The following GOLGA8A variants were observed in gnomAD, a reference collection of about 807,000 sequenced individuals.
GOLGA8A encodes the protein golgin A8 family member A.
A neutral mutation model predicts 22.1 loss-of-function variants in GOLGA8A; 3 were observed. That is an observed-to-expected ratio of 0.14 (90% confidence interval 0.06 to 0.35). GOLGA8A has a LOEUF of 0.35. Among genes scored for constraint, GOLGA8A ranks in the 10% least tolerant of loss-of-function variants. The pLI is 1.00. For synonymous variants in GOLGA8A, 7 were observed against 91.7 expected, an observed-to-expected ratio of 0.08 and a Z score of 5.28; for missense variants, 16 against 233.2, an observed-to-expected ratio of 0.07 and a Z score of 6.07.
Position 34,435,049 on chromosome 15 carries a change from A to G in GOLGA8A, c.-1123+334T>C, listed in dbSNP as rs192363972. 1.9e-3 allele frequency among the ~76,000 whole-genome samples: 288 copies of G among 149,638 alleles called. 27 individuals are homozygous for G. Among genetic ancestry groups the G allele is most frequent in the African/African-American group, 6.7e-3 (274 of 40,610 alleles). On this transcript the variant is annotated intron_variant, in intron 2 of 24. Coordinates refer to ENST00000359187, the MANE Select transcript of GOLGA8A (RefSeq NM_181077.5). Reference sequence around the variant, plus strand: ...CCAGTCCTCTCCTCCCCTGGACAGTAAAGGTTTCTCCAAGACTTCAGACGA... The same window carrying G: ...CCAGTCCTCTCCTCCCCTGGACAGTGAAGGTTTCTCCAAGACTTCAGACGA...
intron 1 of GOLGA8A, among the ~76,000 whole-genome samples, chr15:34,436,838 G>A (rs1219542818): frequency 6.7e-6 from 1 of 149,980 alleles, no homozygotes; most frequent in Admixed American, 6.7e-5. Context: ...CTGCAGCCCA[G>A]GGGCAACAAG....
intron 2 of GOLGA8A, among the ~76,000 whole-genome samples, chr15:34,430,822 ACT>A (rs1476618053): frequency 6.7e-6 from 1 of 149,342 alleles, no homozygotes; most frequent in African/African-American, 2.5e-5. Context: ...GTCAAGACAA[ACT>A]CTGAGCAGTG....
intron 2 of GOLGA8A, among the ~76,000 whole-genome samples, chr15:34,422,663 C>T (rs1169059225): frequency 2.4e-5 from 2 of 83,952 alleles, no homozygotes; most frequent in African/African-American, 6.2e-5. Flanking sequence ...GGAATCTCCC[C>T]TCTGCCATGC....
rs188828054 is a variant in GOLGA8A, at chr15:34,429,832, T to C, written c.-1123+5551A>G. 2.4e-4 allele frequency among the ~76,000 whole-genome samples: 36 copies of C among 148,204 alleles called. 3 individuals carry two copies. In the East Asian group the frequency reaches 6.4e-3, roughly 26 times the overall value. ...GCAGAGTCCTTGAGTGTCAAAGGAC[T>C]GAGAGGTGAATGACGGGCAAGGTGA... is the stretch of plus-strand genomic sequence containing the variant. On this transcript the variant is annotated intron_variant, in intron 2 of 24. Coordinates refer to ENST00000359187, the MANE Select transcript of GOLGA8A (RefSeq NM_181077.5).
rs1013745517 is a variant in GOLGA8A at position 34,435,765 on chromosome 15, C to T, written c.-1211-294G>A. ...AGAGGGAAGACTTCGTGCCCCATTG[C>T]TACTGCCATCACCCAGTCCCAGCCC... On this transcript the variant is annotated intron_variant, in intron 1 of 24. Transcript: ENST00000359187. Among the ~76,000 whole-genome samples, 11 of 149,080 alleles carry T rather than the reference C, an allele frequency of 7.4e-5. 1 individual carries two copies. The highest frequency in any genetic ancestry group is 2.7e-4 in the African/African-American group (11 of 40,376).
chr15:34,424,547 C>A (rs1892907081), intron 2 of GOLGA8A, among the ~76,000 whole-genome samples: 1 of 144,832 alleles, frequency 6.9e-6, no homozygotes, highest in Non-Finnish European at 1.5e-5. Flanking sequence ...CAGCCATGAT[C>A]AGCTAGAAAA....
intron 18 of GOLGA8A, 22 bp downstream of exon 18, chr15:34,383,709 GGGGGGTGGGGCGGGA>G: frequency 7.5e-6 from 1 of 133,574 alleles, no homozygotes; most frequent in Non-Finnish European, 1.3e-5. Flanking sequence ...GTTGGTGGGG[GGGGGGTGGGGCGGGA>G]GGCTGAAGGG....
At chr15:34,428,078 C>G (rs1384616099) in intron 2 of GOLGA8A, among the ~76,000 whole-genome samples, 1 of 147,526 alleles carries the variant, frequency 6.8e-6, no homozygotes, top group Non-Finnish European at 1.5e-5. Flanking sequence ...GGAGCTTTCT[C>G]TCCTTCAAAT....
chr15:34,417,428 TGTTCA>T lies in GOLGA8A; in HGVS notation c.-1122-9698_-1122-9694del, dbSNP rs1167561927. On this transcript the variant is annotated intron_variant, in intron 2 of 24. Transcript: ENST00000359187. ...AAAAAGAGCAGATGGGAGAAATACG[TGTTCA>T]GTGTTCAGTTTTCCTTCTGTAAGAC... 7.9e-4 allele frequency: 66 copies of T among 83,462 alleles called. 1 individual carries two copies. Among genetic ancestry groups the T allele is most frequent in the Non-Finnish European group, 1.4e-3 (56 of 40,634 alleles). 5.2% of individuals were successfully genotyped at this position (83,462 alleles called of 1,614,324 possible).
intron 1 of GOLGA8A, among the ~76,000 whole-genome samples, chr15:34,436,965 T>G (rs894553223): frequency 6.7e-6 from 1 of 149,394 alleles, no homozygotes; most frequent in Non-Finnish European, 1.5e-5. Context: ...CCAAACTCAG[T>G]AGTTGCCGCC....
At chr15:34,435,052 G>C (rs1442419594) in intron 2 of GOLGA8A, among the ~76,000 whole-genome samples, 1 of 149,596 alleles carries the variant, frequency 6.7e-6, no homozygotes, top group Non-Finnish European at 1.5e-5. Context: ...GGACAGTAAA[G>C]GTTTCTCCAA....
At chr15:34,428,493 C>T (rs2140284485) in intron 2 of GOLGA8A, 1 of 149,226 alleles carries the variant, frequency 6.7e-6, no homozygotes, top group Middle Eastern at 3.4e-3. Flanking sequence ...CAGCGCAGTC[C>T]CAGCAGACAG....
intron 2 of GOLGA8A, among the ~76,000 whole-genome samples, chr15:34,429,215 C>T (rs1373919624): frequency 0.019 from 2,718 of 142,126 alleles, 92 homozygotes; most frequent in African/African-American, 0.066. Context: ...AAGCCAGCTG[C>T]AGAAATCACT....
intron 2 of GOLGA8A, among the ~76,000 whole-genome samples, chr15:34,434,072 C>A (rs1392297065): frequency 6.7e-6 from 1 of 149,082 alleles, no homozygotes; most frequent in Non-Finnish European, 1.5e-5. Flanking sequence ...CAGTTAGGAT[C>A]TCCGGGATGG....
Position 34,428,830 on chromosome 15 carries a change from C to T in GOLGA8A, c.-1123+6553G>A, listed in dbSNP as rs1488331481. 8.3e-5 allele frequency: 12 copies of T among 144,280 alleles called. 2 individuals carry two copies. Among genetic ancestry groups the T allele is most frequent in the Non-Finnish European group, 1.7e-4 (11 of 66,026 alleles). The allele number at this position is 144,280 out of a possible 1,614,324, so 8.9% of individuals were successfully genotyped here. A position where few individuals can be genotyped will look rare whatever the true frequency, so the allele number is the denominator to read the frequency against. ...GCCTCTGCAGCCCATCACCCTGCAG[C>T]GCTGCTGTTCCCGCTGCTTCTTGGA... On this transcript the variant is annotated intron_variant, in intron 2 of 24. Coordinates refer to ENST00000359187, the MANE Select transcript of GOLGA8A (RefSeq NM_181077.5).
chr15:34,418,129 TTAAAAA>T (rs1026462083), intron 2 of GOLGA8A: 1 of 21,320 alleles, frequency 4.7e-5, no homozygotes, highest in African/African-American at 7.2e-5. Context: ...TGTAGATTCT[TTAAAAA>T]AAAAAAAAAA....
intron 2 of GOLGA8A, among the ~76,000 whole-genome samples, chr15:34,431,841 C>A (rs349632): frequency 0.79 from 116,702 of 147,644 alleles, 48,806 homozygotes; most frequent in East Asian, 0.99. Context: ...ACAACTTTAC[C>A]ACAATGTCAC....
rs1288697803 is a variant in GOLGA8A, at chr15:34,379,652, A to G, written c.*1759T>C. 1.3e-5 allele frequency: 2 copies of G among 152,636 alleles called. No homozygotes were observed. The highest frequency in any genetic ancestry group is 3.8e-4 in the East Asian group (2 of 5,202). The allele number at this position is 152,636 out of a possible 1,614,324, so 9.5% of individuals were successfully genotyped here. On this transcript the variant is annotated 3_prime_UTR_variant, in exon 25 of 25. Transcript: ENST00000359187. ...AAGGATCATGAGGCTGCCAAGTGCT[A>G]AAAATGGAGATGGTCTAGTAACTAG...
In GOLGA8A at chr15:34,425,407, T is replaced by A. The variant is rs1028851462; in HGVS notation, c.-1123+9976A>T. On this transcript the variant is annotated intron_variant, in intron 2 of 24. Coordinates refer to ENST00000359187, the MANE Select transcript of GOLGA8A (RefSeq NM_181077.5). ...ATCCTATAAAAAAAAAAAAACTACA[T>A]CCACAAATCACACCGTATCTAAAAT... is the stretch of plus-strand genomic sequence containing the variant. 5.6e-5 allele frequency among the ~76,000 whole-genome samples: 8 copies of A among 141,698 alleles called. 1 individual carries two copies. The highest frequency in any genetic ancestry group is 2.9e-4 in the Admixed American group (4 of 13,790). 93.0% of individuals were successfully genotyped at this position (141,698 alleles called of 152,430 possible). A position where few individuals can be genotyped will look rare whatever the true frequency, so the allele number is the denominator to read the frequency against.
Sources: allele counts gnomAD v4.1 joint callset (sites outside exome capture counted in the v4.1 genomes callset), GRCh38; gene constraint gnomAD v4.1.1; transcripts MANE v1.5; gene names NCBI Gene and HGNC (gene_info 2026-07-23, HGNC 2026-07-21).